LDB2: variants seen among roughly 807,000 people sequenced by gnomAD.
The protein encoded by LDB2 is LIM domain binding 2.
LDB2 carries 12 observed loss-of-function variants against 44.3 expected under a neutral mutation model. The ratio of observed to expected loss-of-function variants is 0.27; its 90% confidence interval spans 0.17 to 0.44. The LOEUF is 0.44. LDB2 is among the 20% of genes least tolerant of loss of function. LDB2 has a pLI of 1.00. For synonymous variants in LDB2, 164 were observed against 174.8 expected (o/e 0.94, Z 0.49); for missense variants, 344 against 473.5 (o/e 0.73, Z 2.54).
intron 1 of LDB2, among the ~76,000 whole-genome samples, chr4:16,857,127 A>C (rs963401636): frequency 6.6e-6 from 1 of 152,198 alleles, no homozygotes; most frequent in Non-Finnish European, 1.5e-5. Context: ...AGCTTATGGA[A>C]TACCCATGGA....
intron 1 of LDB2, among the ~76,000 whole-genome samples, chr4:16,863,950 G>A (rs189213498): frequency 2.6e-5 from 4 of 152,232 alleles, no homozygotes; most frequent in African/African-American, 7.2e-5. Context: ...GTGAGCCACC[G>A]CGCCTGGCAC....
At chr4:16,611,859 C>A (rs1025909991) in intron 2 of LDB2, among the ~76,000 whole-genome samples, 5 of 152,108 alleles carry the variant, frequency 3.3e-5, no homozygotes, top group African/African-American at 1.2e-4. Context: ...CTGTATCAAG[C>A]AGACCTAGTA....
chr4:16,686,358 C>T (rs978648440), intron 2 of LDB2, among the ~76,000 whole-genome samples: 2 of 152,148 alleles, frequency 1.3e-5, no homozygotes, highest in Non-Finnish European at 2.9e-5. Flanking sequence ...TAATCATGAT[C>T]CAAAGTGGGT....
intron 2 of LDB2, among the ~76,000 whole-genome samples, chr4:16,752,825 C>T (rs1765739557): frequency 6.6e-6 from 1 of 151,064 alleles, no homozygotes; most frequent in Non-Finnish European, 1.5e-5. Flanking sequence ...AGCAAAGACT[C>T]AAAATGAATC....
At chr4:16,811,742 A>G (rs760170543) in intron 1 of LDB2, among the ~76,000 whole-genome samples, 4 of 152,178 alleles carry the variant, frequency 2.6e-5, no homozygotes, top group Non-Finnish European at 4.4e-5. Context: ...TACGTTCTCC[A>G]TTGGGGAAGA....
intron 2 of LDB2, among the ~76,000 whole-genome samples, chr4:16,643,015 G>A (rs1735633335): frequency 6.6e-6 from 1 of 152,146 alleles, no homozygotes; most frequent in African/African-American, 2.4e-5. Flanking sequence ...CTCCATGTAT[G>A]ATGCCTGGCA....
intron 5 of LDB2, among the ~76,000 whole-genome samples, chr4:16,518,152 T>C (rs983662319): frequency 6.6e-6 from 1 of 152,234 alleles, no homozygotes; most frequent in Non-Finnish European, 1.5e-5. Flanking sequence ...ACAGAGGACC[T>C]AACAAATGTA....
chr4:16,606,778 C>CT (rs1724063588), intron 2 of LDB2, among the ~76,000 whole-genome samples: 1 of 152,182 alleles, frequency 6.6e-6, no homozygotes, highest in Non-Finnish European at 1.5e-5. Context: ...TTGCCAAACT[C>CT]TAAGAGTTCT....
chr4:16,829,667 GT>G (rs1783710730), intron 1 of LDB2, among the ~76,000 whole-genome samples: 1 of 152,144 alleles, frequency 6.6e-6, no homozygotes, highest in Non-Finnish European at 1.5e-5. Flanking sequence ...GTTTTCATAA[GT>G]AAAAGGAGGT....
At chr4:16,619,637 C>T (rs1171679739) in intron 2 of LDB2, among the ~76,000 whole-genome samples, 3 of 121,694 alleles carry the variant, frequency 2.5e-5, no homozygotes, top group African/African-American at 5.9e-5. Flanking sequence ...ACCAGGCCAT[C>T]GTAAGCATGG....
intron 1 of LDB2, among the ~76,000 whole-genome samples, chr4:16,793,917 G>A (rs1475769232): frequency 1.3e-5 from 2 of 152,022 alleles, no homozygotes; most frequent in Non-Finnish European, 2.9e-5. Context: ...GGGGTTATTG[G>A]TGCAATTAAA....
At chr4:16,551,244 A>G (rs1737547819) in intron 5 of LDB2, among the ~76,000 whole-genome samples, 1 of 152,198 alleles carries the variant, frequency 6.6e-6, no homozygotes, top group African/African-American at 2.4e-5. Context: ...AAGTATTCCA[A>G]AATGCTGAGA....
chr4:16,734,269 T>C (rs1761383799), intron 2 of LDB2, among the ~76,000 whole-genome samples: 1 of 152,174 alleles, frequency 6.6e-6, no homozygotes, highest in Admixed American at 6.5e-5. Flanking sequence ...GAAAACCCAC[T>C]CACTGGGGTA....
intron 2 of LDB2, among the ~76,000 whole-genome samples, chr4:16,669,205 TA>T (rs1744093971): frequency 6.6e-6 from 1 of 152,224 alleles, no homozygotes. Context: ...AATGATTATG[TA>T]ATTTGACCAT....
chr4:16,565,662 T>G (rs1328951302), intron 5 of LDB2, among the ~76,000 whole-genome samples: 1 of 151,874 alleles, frequency 6.6e-6, no homozygotes, highest in East Asian at 1.9e-4. Flanking sequence ...AAGAAAGAAA[T>G]AAGATATAAA....
At chr4:16,661,118 C>G (rs892471740) in intron 2 of LDB2, among the ~76,000 whole-genome samples, 1 of 152,230 alleles carries the variant, frequency 6.6e-6, no homozygotes, top group Non-Finnish European at 1.5e-5. Flanking sequence ...TACACTCACC[C>G]TGTCCCCTCA....
chr4:16,640,198 G>A (rs929271630), intron 2 of LDB2, among the ~76,000 whole-genome samples: 2 of 152,210 alleles, frequency 1.3e-5, no homozygotes, highest in African/African-American at 2.4e-5. Flanking sequence ...CAAGGGATAA[G>A]AGGACAAGTA....
At chr4:16,669,375 G>A (rs1744148710) in intron 2 of LDB2, among the ~76,000 whole-genome samples, 2 of 152,102 alleles carry the variant, frequency 1.3e-5, no homozygotes, top group Admixed American at 1.3e-4. Flanking sequence ...GCTCCACAGA[G>A]ACAGGTACAG....
At chr4:16,891,274 T>C (rs1401733308) in intron 1 of LDB2, among the ~76,000 whole-genome samples, 4 of 147,480 alleles carry the variant, frequency 2.7e-5, no homozygotes, top group African/African-American at 9.8e-5. Flanking sequence ...TTTCAATCAC[T>C]CTTCAGATAA....
Sources: gnomAD v4.1 joint callset for allele counts (sites outside exome capture counted in the v4.1 genomes callset) on GRCh38, gnomAD v4.1.1 for gene constraint, MANE v1.5 for transcripts, NCBI Gene and HGNC (gene_info 2026-07-23, HGNC 2026-07-21) for gene names.